Variants in ART3 observed in about 807,000 individuals in gnomAD.
The protein encoded by ART3 is ADP-ribosyltransferase 3 (inactive).
Under a neutral mutation model 48.5 loss-of-function variants are expected in ART3, and 49 were observed. The observed-to-expected ratio is 1.01, with a 90% CI of 0.80 to 1.28. The LOEUF (loss-of-function observed/expected upper bound fraction) is 1.28. Ranked by LOEUF, ART3 falls within the 50% of genes most tolerant of loss-of-function variation. The pLI is 0.00. For synonymous variants in ART3, 145 were observed against 157.2 expected, an observed-to-expected ratio of 0.92 and a Z score of 0.58; for missense variants, 438 against 454.3, an observed-to-expected ratio of 0.96 and a Z score of 0.33.
chr4:76,021,354 T>G (rs1288511281), intron 1 of ART3: 2 of 152,718 alleles, frequency 1.3e-5, no homozygotes, highest in Non-Finnish European at 2.9e-5. Context: ...AATATATACA[T>G]CTAAGACTTC....
chr4:76,108,183 T>A (rs1728832183), intron 11 of ART3, among the ~76,000 whole-genome samples: 1 of 151,824 alleles, frequency 6.6e-6, no homozygotes, highest in African/African-American at 2.4e-5. Context: ...AGAAGATCCA[T>A]AGATGAGATG....
chr4:76,076,059 C>G, intron 2 of ART3, 101 bp downstream of exon 2: 1 of 1,048,246 alleles, frequency 9.5e-7, no homozygotes, highest in South Asian at 1.5e-5. Context: ...TGCTGGAGTG[C>G]AGTGGCTCGA....
intron 1 of ART3, chr4:76,023,474 G>A (rs1312017694): frequency 6.4e-7 from 1 of 1,555,280 alleles, no homozygotes; most frequent in South Asian, 1.1e-5. Context: ...CTCAGAATAT[G>A]TCTAAGCAAT....
intron 1 of ART3, 52 bp from the exon 2 acceptor site, chr4:76,075,829 C>G: frequency 1.4e-6 from 2 of 1,419,280 alleles, no homozygotes; most frequent in Non-Finnish European, 2.0e-6. Flanking sequence ...TTCTACTTCC[C>G]TACACCTCTT....
At chr4:76,052,447 A>ACCTTT (rs1736203721) in intron 1 of ART3, among the ~76,000 whole-genome samples, 2 of 152,242 alleles carry the variant, frequency 1.3e-5, no homozygotes, top group South Asian at 4.1e-4. Flanking sequence ...GTAGCCATCT[A>ACCTTT]CCTTTCCTTT....
intron 1 of ART3, among the ~76,000 whole-genome samples, chr4:76,026,093 C>T (rs975693149): frequency 6.6e-6 from 1 of 151,812 alleles, no homozygotes; most frequent in African/African-American, 2.4e-5. Flanking sequence ...CATTCCTTCT[C>T]AACCACTACA....
intron 2 of ART3, 95 bp from the exon 3 acceptor site, chr4:76,081,729 G>A (rs866935641): frequency 3.0e-6 from 4 of 1,327,588 alleles, no homozygotes; most frequent in African/African-American, 1.5e-5. Context: ...CGAGAATTTT[G>A]GCAAGGGATG....
upstream of ART3, among the ~76,000 whole-genome samples, chr4:76,071,238 T>C (rs952700316): frequency 6.6e-6 from 1 of 151,932 alleles, no homozygotes; most frequent in Admixed American, 6.6e-5. Context: ...CTCTGGAATC[T>C]GAGGCAGGAG....
At chr4:76,089,085 TA>T (rs1724251634) in intron 3 of ART3, among the ~76,000 whole-genome samples, 1 of 152,242 alleles carries the variant, frequency 6.6e-6, no homozygotes, top group Non-Finnish European at 1.5e-5. Flanking sequence ...ACATACTTTT[TA>T]AAAGTACTAT....
intron 1 of ART3, among the ~76,000 whole-genome samples, 176 bp downstream of exon 1, chr4:76,074,995 G>A (rs1222134699): frequency 1.3e-5 from 2 of 152,106 alleles, no homozygotes; most frequent in Admixed American, 1.3e-4. Flanking sequence ...CTATATTTTA[G>A]TATTTTTAGT....
chr4:76,013,202 T>A (rs751686499), intron 1 of ART3, among the ~76,000 whole-genome samples: 3 of 152,194 alleles, frequency 2.0e-5, no homozygotes, highest in African/African-American at 4.8e-5. Context: ...GGCTGGAATT[T>A]GTTACAAGAA....
intron 1 of ART3, among the ~76,000 whole-genome samples, chr4:76,017,852 C>T (rs537571517): frequency 1.3e-4 from 20 of 152,236 alleles, no homozygotes; most frequent in Non-Finnish European, 2.6e-4. Context: ...ATTTTGCTTT[C>T]CACTGTGACA....
chr4:76,053,297 T>G (rs938765086), intron 1 of ART3, among the ~76,000 whole-genome samples: 5 of 152,216 alleles, frequency 3.3e-5, no homozygotes, highest in African/African-American at 1.2e-4. Flanking sequence ...ATTTAAGCTA[T>G]ACCTGATTTA....
intron 1 of ART3, chr4:76,034,457 G>A: frequency 3.9e-6 from 2 of 509,546 alleles, no homozygotes; most frequent in Non-Finnish European, 3.4e-6. Context: ...ATGCATGAAT[G>A]TATAATGCAA....
At position 76,082,441 on chromosome 4, in the gene ART3, G is replaced by A; in HGVS notation, c.687G>A (p.Glu229=). ...SERITLIPLN[E]VFQVSQEGAG... The stretch of plus-strand genomic sequence containing the variant: ...GAATTACTTTAATACCTCTGAATGA[G>A]GTTTTTCAAGTGTCACAGGAGGGGG... The change falls in exon 3 of 12, where the codon GAG becomes GAA. Residue 229 remains glutamate, a synonymous_variant. Transcript: ENST00000355810. 1 of 1,613,618 alleles carries A rather than the reference G, an allele frequency of 6.2e-7. No homozygotes were observed. Among genetic ancestry groups the A allele is most frequent in the Non-Finnish European group, 8.5e-7 (1 of 1,180,006 alleles).
intron 2 of ART3, among the ~76,000 whole-genome samples, chr4:76,076,453 A>G (rs1721104560): frequency 6.6e-6 from 1 of 152,362 alleles, no homozygotes; most frequent in East Asian, 1.9e-4. Flanking sequence ...TGAAAAAATT[A>G]AAATTAAGCA....
chr4:76,035,841 T>C, intron 1 of ART3: 2 of 1,213,612 alleles, frequency 1.6e-6, no homozygotes, highest in Middle Eastern at 2.0e-4. Context: ...AACTTTATCA[T>C]GTCTTTTAGG....
intron 5 of ART3, 67 bp downstream of exon 5, chr4:76,099,054 C>A (rs192135598): frequency 2.0e-6 from 3 of 1,464,196 alleles, no homozygotes; most frequent in Admixed American, 3.5e-5. Flanking sequence ...GTAATCCCAG[C>A]GCTTTGGAAG....
At chr4:76,057,606 C>A (rs1344107099) in intron 1 of ART3, among the ~76,000 whole-genome samples, 1 of 152,208 alleles carries the variant, frequency 6.6e-6, no homozygotes, top group African/African-American at 2.4e-5. Context: ...CTCTTTTCAA[C>A]AACCCTGTGA....
Sources: allele counts gnomAD v4.1 joint callset (sites outside exome capture counted in the v4.1 genomes callset), GRCh38; gene constraint gnomAD v4.1.1; transcripts MANE v1.5; gene names NCBI Gene and HGNC (gene_info 2026-07-23, HGNC 2026-07-21).